The following NFIA variants were observed in gnomAD, a reference collection of about 807,000 sequenced individuals.
The protein encoded by NFIA is nuclear factor I A, also known as nuclear factor 1 A-type.
In NFIA, 8 loss-of-function variants were observed where a neutral mutation model predicts 62.8. That is an observed-to-expected ratio of 0.13 (90% CI 0.07 to 0.23). NFIA has a LOEUF of 0.23. NFIA is among the 10% of genes least tolerant of loss of function. The pLI, the probability that NFIA is intolerant of heterozygous loss-of-function variation, is 1.00. For synonymous variants in NFIA, 235 were observed against 238.1 expected (o/e 0.99, Z 0.12); for missense variants, 410 against 642.1 (o/e 0.64, Z 3.91).
At chr1:61,223,118 G>A (rs1377498497) in intron 2 of NFIA, among the ~76,000 whole-genome samples, 1 of 151,848 alleles carries the variant, frequency 6.6e-6, no homozygotes, top group Non-Finnish European at 1.5e-5. Flanking sequence ...TTTTAGAACT[G>A]TTTAATCTTT....
At chr1:61,432,290 G>A (rs984952809) in intron 10 of NFIA, among the ~76,000 whole-genome samples, 1 of 148,706 alleles carries the variant, frequency 6.7e-6, no homozygotes, top group African/African-American at 2.5e-5. Context: ...GACATGTTCA[G>A]TTCTGTCTTC....
chr1:61,452,750 C>G (rs1001379628), intron 10 of NFIA, among the ~76,000 whole-genome samples: 2 of 152,162 alleles, frequency 1.3e-5, no homozygotes, highest in Non-Finnish European at 2.9e-5. Flanking sequence ...TCAGCAACTT[C>G]TATTGATTAA....
chr1:61,307,814 A>G (rs1437140492), intron 3 of NFIA, among the ~76,000 whole-genome samples: 1 of 152,176 alleles, frequency 6.6e-6, no homozygotes, highest in African/African-American at 2.4e-5. Context: ...GCATTTTGTG[A>G]TGATAACTGA....
chr1:61,364,535 G>A (rs907222431), intron 6 of NFIA, among the ~76,000 whole-genome samples: 1 of 152,154 alleles, frequency 6.6e-6, no homozygotes, highest in Non-Finnish European at 1.5e-5. Flanking sequence ...CTAGCAAGTC[G>A]TAAGCAGAAC....
In NFIA at chr1:61,207,051, G is replaced by A. The variant is rs533321216; in HGVS notation, c.560-70469G>A. ...CAAAGAAAGTCATTATGACAATGAA[G>A]AAGGCCAACAGTGGACTTGTGGAGG... is the stretch of plus-strand genomic sequence containing the variant. On this transcript the variant is annotated intron_variant, in intron 2 of 10. Coordinates refer to ENST00000403491, the MANE Select transcript of NFIA (RefSeq NM_001134673.4). 5.3e-5 allele frequency among the ~76,000 whole-genome samples: 8 copies of A among 152,300 alleles called. No individual in the cohort carries two copies. In the South Asian group the frequency reaches 1.7e-3, roughly 32 times the overall value.
chr1:61,443,572 T>C (rs1237650302), intron 10 of NFIA, among the ~76,000 whole-genome samples: 9 of 152,214 alleles, frequency 5.9e-5, no homozygotes, highest in Admixed American at 2.6e-4. Flanking sequence ...CCTGCAGTTT[T>C]GCCAGGTATG....
intron 2 of NFIA, among the ~76,000 whole-genome samples, chr1:61,128,079 T>A (rs1647006632): frequency 6.6e-6 from 1 of 152,174 alleles, no homozygotes; most frequent in Non-Finnish European, 1.5e-5. Flanking sequence ...AAAATGCGCT[T>A]GTACTGAGCA....
chr1:61,120,084 T>G (rs1646863448), intron 2 of NFIA, among the ~76,000 whole-genome samples: 1 of 152,144 alleles, frequency 6.6e-6, no homozygotes, highest in Non-Finnish European at 1.5e-5. Context: ...CTTCTTGAAT[T>G]TTATGGTTTC....
In NFIA at chr1:61,444,298, G is replaced by A. The variant is rs532737057; in HGVS notation, c.1513-11005G>A. Among the ~76,000 whole-genome samples, 30 of 152,320 alleles carry A rather than the reference G, an allele frequency of 2.0e-4. 2 individuals carry two copies. In the East Asian group the frequency reaches 4.2e-3, roughly 22 times the overall value. On this transcript the variant is annotated intron_variant, in intron 10 of 10. Coordinates refer to ENST00000403491, the MANE Select transcript of NFIA (RefSeq NM_001134673.4). ...GCAAAGTTCTCCTGGCCCCTGCCCT[G>A]CCTTTCTCTCTGTCCTTCTTTGCCT... is the stretch of plus-strand genomic sequence containing the variant.
chr1:61,239,854 GAAAC>G (rs1318634866), intron 2 of NFIA, among the ~76,000 whole-genome samples: 1 of 152,074 alleles, frequency 6.6e-6, no homozygotes, highest in Admixed American at 6.6e-5. Context: ...ATCTCATAAA[GAAAC>G]AGGCAAATTC....
intron 8 of NFIA, 42 bp from the exon 9 acceptor site, chr1:61,406,519 CT>C: frequency 1.4e-6 from 2 of 1,469,122 alleles, no homozygotes; most frequent in Non-Finnish European, 1.8e-6. Flanking sequence ...TCTCTTTCTT[CT>C]TTTTCTTGTA....
chr1:61,228,046 T>C (rs959733589), intron 2 of NFIA, among the ~76,000 whole-genome samples: 1 of 152,240 alleles, frequency 6.6e-6, no homozygotes, highest in Admixed American at 6.5e-5. Flanking sequence ...AGATCTGTTT[T>C]GGCTTGGTTC....
chr1:61,403,446 T>G (rs2474382), intron 7 of NFIA, among the ~76,000 whole-genome samples: 46,415 of 152,044 alleles, frequency 0.31, 7,452 homozygotes, highest in East Asian at 0.57. Flanking sequence ...GGGCCAACAT[T>G]TTAGCAGGGG....
chr1:61,200,217 T>G (rs1358286902), intron 2 of NFIA, among the ~76,000 whole-genome samples: 1 of 151,344 alleles, frequency 6.6e-6, no homozygotes, highest in Non-Finnish European at 1.5e-5. Context: ...GCTTTAGATC[T>G]CAGCTCCCCT....
chr1:61,409,803 C>T (rs768263985), intron 9 of NFIA, among the ~76,000 whole-genome samples: 60 of 152,094 alleles, frequency 3.9e-4, no homozygotes, highest in Non-Finnish European at 7.8e-4. Context: ...CACCTGTCCC[C>T]GAAGAGGAAG....
intron 4 of NFIA, among the ~76,000 whole-genome samples, chr1:61,333,872 C>T (rs145687630): frequency 2.0e-4 from 30 of 152,146 alleles, no homozygotes; most frequent in African/African-American, 5.1e-4. Flanking sequence ...TGGTGGTGCA[C>T]GCCTATGGCC....
rs576052497 is a variant in NFIA, at chr1:61,365,469, T to G, written c.946+6195T>G. Among the ~76,000 whole-genome samples, 3 of 152,310 alleles carry G rather than the reference T, an allele frequency of 2.0e-5. No homozygotes were observed. In the South Asian group the frequency reaches 6.2e-4, roughly 32 times the overall value. ...AAATCTAGCCTATTTTCAAATAGAT[T>G]AGAAAAGATTGGATTCTGGGTGACT... On this transcript the variant is annotated intron_variant, in intron 6 of 10. Coordinates refer to ENST00000403491, the MANE Select transcript of NFIA (RefSeq NM_001134673.4).
At chr1:61,296,860 A>T (rs189910465) in intron 3 of NFIA, among the ~76,000 whole-genome samples, 2 of 152,282 alleles carry the variant, frequency 1.3e-5, no homozygotes, top group African/African-American at 4.8e-5. Flanking sequence ...GTTGAACTGA[A>T]TTCTTTCACC....
At chr1:61,169,826 A>G (rs1649829660) in intron 2 of NFIA, among the ~76,000 whole-genome samples, 1 of 152,148 alleles carries the variant, frequency 6.6e-6, no homozygotes, top group Non-Finnish European at 1.5e-5. Context: ...TGCACATAGT[A>G]GCTGCTCAAG....
Sources: gnomAD v4.1 joint callset for allele counts (sites outside exome capture counted in the v4.1 genomes callset) on GRCh38, gnomAD v4.1.1 for gene constraint, MANE v1.5 for transcripts, NCBI Gene and HGNC (gene_info 2026-07-23, HGNC 2026-07-21) for gene names.